Variants in CCDC57 observed in about 807,000 individuals in gnomAD.
The protein encoded by CCDC57 is coiled-coil domain-containing protein 57.
A neutral mutation model predicts 118.9 loss-of-function variants in CCDC57; 118 were observed. The observed-to-expected ratio is 0.99, with a 90% confidence interval of 0.86 to 1.16. The LOEUF is 1.16. Ranked by LOEUF, CCDC57 falls within the 50% of genes most tolerant of loss-of-function variation. The probability of loss-of-function intolerance (pLI) is 0.00; values close to 1 mark genes in which losing one functional copy is unlikely to be tolerated. For missense variants in CCDC57, 1,300 were observed against 1,320.7 expected (o/e 0.98, Z 0.24); for synonymous variants, 527 against 532.9 (o/e 0.99, Z 0.15).
intron 4 of CCDC57, 43 bp from the exon 4 acceptor site, chr17:82,195,407 A>T (rs956167444): frequency 2.7e-6 from 4 of 1,493,768 alleles, no homozygotes; most frequent in Non-Finnish European, 3.7e-6. Flanking sequence ...GTGGGAACCC[A>T]GCAAAGACCC....
Position 82,105,357 on chromosome 17 carries a change from C to T in CCDC57, c.2900-3491G>A, listed in dbSNP as rs1372254659. On this transcript the variant is annotated intron_variant, in intron 19 of 19. Coordinates refer to ENST00000665763, the Ensembl canonical transcript of CCDC57. ...GGTCCTCACGCACCCAAGATCAACCCTTCTCAAATGCATCTAGTTATTTCC... is the reference window on the plus strand; with the variant it reads ...GGTCCTCACGCACCCAAGATCAACCTTTCTCAAATGCATCTAGTTATTTCC... Among the ~76,000 whole-genome samples, 4 of 152,184 alleles carry T rather than the reference C, an allele frequency of 2.6e-5. No homozygotes were observed. The East Asian group carries it at 5.8e-4, about 22-fold the overall frequency.
intron 2 of CCDC57, among the ~76,000 whole-genome samples, chr17:82,206,778 G>A (rs1376370077): frequency 6.6e-6 from 1 of 152,140 alleles, no homozygotes; most frequent in Non-Finnish European, 1.5e-5. Context: ...GCCAGGACTC[G>A]CGACTGGTGT....
intron 11 of CCDC57, among the ~76,000 whole-genome samples, chr17:82,173,566 C>T (rs995955169): frequency 1.3e-5 from 2 of 152,156 alleles, no homozygotes; most frequent in East Asian, 1.9e-4. Flanking sequence ...GAAAGCCACA[C>T]ATCACAGATG....
Position 82,107,356 on chromosome 17 carries a change from G to T in CCDC57, c.2900-5490C>A, listed in dbSNP as rs974784001. ...CACAGTGGCTTGGCACCCGGGTGGG[G>T]CACAGATGCCGCGGGAGTGGGGAGT... On this transcript the variant is annotated intron_variant, in intron 19 of 19. Transcript: ENST00000665763. The T allele has an allele frequency of 9.3e-6, 4 of 429,476 alleles. No individual in the cohort carries two copies. The Admixed American group carries it at 9.8e-5, about 11-fold the overall frequency. 26.6% of individuals were successfully genotyped at this position (429,476 alleles called of 1,614,324 possible).
chr17:82,163,523 G>A (rs537573959), intron 13 of CCDC57, 166 bp from the exon 13 acceptor site: 5 of 691,498 alleles, frequency 7.2e-6, no homozygotes, highest in South Asian at 5.8e-5. Flanking sequence ...TCTGGTCCAC[G>A]TGAAGATTAG....
chr17:82,204,579 T>C (rs1357721086), intron 2 of CCDC57, among the ~76,000 whole-genome samples: 2 of 152,138 alleles, frequency 1.3e-5, no homozygotes, highest in Non-Finnish European at 2.9e-5. Flanking sequence ...GTCAGGAGAT[T>C]GAGACCATCC....
chr17:82,205,880 G>A lies in CCDC57; in HGVS notation c.-9+1967C>T, dbSNP rs73364169. ...AAGGGCCTGTAAGTCAGCCGGGCTC[G>A]GCTCGCCTTTCCTTCTGACCTCATC... is the stretch of plus-strand genomic sequence containing the variant. On this transcript the variant is annotated intron_variant, in intron 2 of 19. Coordinates refer to ENST00000665763, the Ensembl canonical transcript of CCDC57. 3.0e-3 allele frequency among the ~76,000 whole-genome samples: 460 copies of A among 152,326 alleles called. 5 individuals carry two copies. Among genetic ancestry groups the A allele is most frequent in the African/African-American group, 0.01 (432 of 41,568 alleles).
At chr17:82,151,107 A>G (rs1316358056) in intron 16 of CCDC57, among the ~76,000 whole-genome samples, 5 of 106,650 alleles carry the variant, frequency 4.7e-5, no homozygotes, top group Non-Finnish European at 7.6e-5. Context: ...CCAGAACCTG[A>G]CCCACACCCA....
chr17:82,145,495 C>T (rs1458088396), intron 16 of CCDC57, among the ~76,000 whole-genome samples: 2 of 151,808 alleles, frequency 1.3e-5, no homozygotes, highest in Non-Finnish European at 2.9e-5. Flanking sequence ...TGCAGTGAGC[C>T]GAGATCGCAC....
chr17:82,104,877 G>A (rs1420644022), intron 19 of CCDC57: 1 of 152,316 alleles, frequency 6.6e-6, no homozygotes, highest in Non-Finnish European at 1.5e-5. Flanking sequence ...GGAGGACATA[G>A]CCTGTCCTAT....
At chr17:82,165,090 G>C (rs6502077) in intron 13 of CCDC57, among the ~76,000 whole-genome samples, 71,138 of 152,116 alleles carry the variant, frequency 0.47, 17,447 homozygotes, top group East Asian at 0.88. Context: ...AGGAGGCCAA[G>C]GCAAGAAGAT....
chr17:82,145,844 A>G (rs1351768575), intron 16 of CCDC57: 1 of 462,778 alleles, frequency 2.2e-6, no homozygotes, highest in South Asian at 1.6e-5. Context: ...GGGGCCCACC[A>G]TGTCACCTGC....
At chr17:82,182,710 GA>G (rs1207058044) in intron 9 of CCDC57, among the ~76,000 whole-genome samples, 1 of 146,400 alleles carries the variant, frequency 6.8e-6, no homozygotes, top group Non-Finnish European at 1.5e-5. Context: ...TTTTGAGACA[GA>G]ATCTCACTCT....
chr17:82,122,365 G>A (rs2036825995), intron 19 of CCDC57, among the ~76,000 whole-genome samples: 1 of 80,972 alleles, frequency 1.2e-5, no homozygotes, highest in Non-Finnish European at 2.8e-5. Flanking sequence ...AAGGGCGTCT[G>A]TCCAGCAAGC....
chr17:82,156,263 AT>A (rs1249768899), intron 15 of CCDC57: 1 of 151,238 alleles, frequency 6.6e-6, no homozygotes, highest in Non-Finnish European at 1.5e-5. Flanking sequence ...TGCACTCCAG[AT>A]TGGGCGACAG....
intron 19 of CCDC57, among the ~76,000 whole-genome samples, chr17:82,110,940 G>T (rs1322503834): frequency 6.6e-6 from 1 of 150,474 alleles, no homozygotes; most frequent in South Asian, 2.1e-4. Context: ...CAGGAGAATC[G>T]CTTGAACCCT....
At chr17:82,115,958 A>G (rs562262383) in intron 19 of CCDC57, among the ~76,000 whole-genome samples, 1 of 151,238 alleles carries the variant, frequency 6.6e-6, no homozygotes, top group East Asian at 2.0e-4. Context: ...CAACCGTGCC[A>G]GGCTAATTTT....
chr17:82,128,907 C>T (rs1239091219), intron 17 of CCDC57, among the ~76,000 whole-genome samples: 5 of 151,870 alleles, frequency 3.3e-5, no homozygotes, highest in African/African-American at 4.8e-5. Flanking sequence ...ACCACCTGGC[C>T]GATCCTGCTT....
chr17:82,122,705 C>G (rs541944293), intron 19 of CCDC57, among the ~76,000 whole-genome samples: 1 of 152,200 alleles, frequency 6.6e-6, no homozygotes, highest in African/African-American at 2.4e-5. Flanking sequence ...GGCTTCGGTG[C>G]CCACCTCTGC....
Sources: allele counts gnomAD v4.1 joint callset (sites outside exome capture counted in the v4.1 genomes callset), GRCh38; gene constraint gnomAD v4.1.1; transcripts MANE v1.5; gene names NCBI Gene and HGNC (gene_info 2026-07-23, HGNC 2026-07-21).